The following MYO16 variants were observed in gnomAD, a reference collection of about 807,000 sequenced individuals.
The protein encoded by MYO16 is myosin XVI.
MYO16 carries 94 observed loss-of-function variants against 205.3 expected under a neutral mutation model. The ratio of observed to expected loss-of-function variants is 0.46; its 90% CI spans 0.39 to 0.54. MYO16 has a LOEUF of 0.54. Ranked by LOEUF, MYO16 falls within the 20% of genes least tolerant of loss-of-function variation. The pLI, the probability that MYO16 is intolerant of heterozygous loss-of-function variation, is 0.00. For synonymous variants in MYO16, 988 were observed against 954.0 expected (o/e 1.04, Z -0.66); for missense variants, 2,315 against 2,387.5 (o/e 0.97, Z 0.63).
intron 18 of MYO16, among the ~76,000 whole-genome samples, chr13:108,962,061 G>C (rs115077340): frequency 6.6e-6 from 1 of 152,006 alleles, no homozygotes; most frequent in African/African-American, 2.4e-5. Context: ...CTCGTTAGTC[G>C]CTCCCAGATT....
chr13:108,927,390 C>T (rs1473142512), intron 16 of MYO16, among the ~76,000 whole-genome samples: 1 of 152,092 alleles, frequency 6.6e-6, no homozygotes, highest in Non-Finnish European at 1.5e-5. Flanking sequence ...CTTCCTGATG[C>T]CTCTGGTATA....
chr13:108,883,000 T>A, intron 12 of MYO16, 59 bp from the exon 13 acceptor site: 1 of 1,592,452 alleles, frequency 6.3e-7, no homozygotes, highest in Non-Finnish European at 8.6e-7. Flanking sequence ...CATTATGGGA[T>A]GAGGAATACT....
intron 16 of MYO16, among the ~76,000 whole-genome samples, chr13:108,944,117 G>T (rs866850760): frequency 6.6e-6 from 1 of 152,104 alleles, no homozygotes; most frequent in Non-Finnish European, 1.5e-5. Flanking sequence ...ACTCTGTCTC[G>T]TCTAGATTTC....
chr13:109,197,979 G>A (rs1345500796), intron 34 of MYO16, among the ~76,000 whole-genome samples: 1 of 152,072 alleles, frequency 6.6e-6, no homozygotes, highest in Non-Finnish European at 1.5e-5. Flanking sequence ...TATGCCACTG[G>A]CTAACCAAGC....
Position 109,176,259 on chromosome 13 carries a change from C to A in MYO16, c.5324-3283C>A, listed in dbSNP as rs553282528. On this transcript the variant is annotated intron_variant, in intron 33 of 34. Transcript: ENST00000457511. The stretch of plus-strand genomic sequence containing the variant: ...ATATGTGTATTACTTATTAGCCATT[C>A]ATATTTTCATATTTTTTCTCCTTTA... Among the ~76,000 whole-genome samples the A allele has an allele frequency of 7.1e-5, 10 of 141,596 alleles. No homozygotes were observed. The South Asian group carries it at 2.2e-3, about 31-fold the overall frequency. The allele number at this position is 141,596 out of a possible 152,430, so 92.9% of individuals were successfully genotyped here.
chr13:108,536,659 C>T, the MYO16 span, among the ~76,000 whole-genome samples: 1 of 152,078 alleles, frequency 6.6e-6, no homozygotes, highest in East Asian at 1.9e-4. Flanking sequence ...TTGACAATAA[C>T]TTTGGAAATG....
chr13:109,029,232 A>G (rs1389758506), intron 23 of MYO16, among the ~76,000 whole-genome samples: 1 of 146,768 alleles, frequency 6.8e-6, no homozygotes, highest in African/African-American at 2.5e-5. Context: ...CTCCTGCCTC[A>G]GCTTCCCAAG....
At chr13:108,876,810 G>A (rs1055765034) in intron 12 of MYO16, among the ~76,000 whole-genome samples, 2 of 151,992 alleles carry the variant, frequency 1.3e-5, no homozygotes, top group Non-Finnish European at 2.9e-5. Flanking sequence ...GATAGTACAG[G>A]CGTGTGCCAC....
chr13:109,157,958 G>A (rs111787932), intron 32 of MYO16, among the ~76,000 whole-genome samples: 4 of 152,028 alleles, frequency 2.6e-5, no homozygotes, highest in African/African-American at 4.8e-5. Context: ...TGTTTCTTTC[G>A]GACGAATATT....
chr13:108,748,258 T>C (rs1218351517), intron 4 of MYO16, among the ~76,000 whole-genome samples: 1 of 152,094 alleles, frequency 6.6e-6, no homozygotes. Context: ...AAAAATTATA[T>C]GTAGCCCAAA....
chr13:108,628,190 C>A (rs1383320070), upstream of MYO16, among the ~76,000 whole-genome samples: 1 of 152,070 alleles, frequency 6.6e-6, no homozygotes, highest in African/African-American at 2.4e-5. Flanking sequence ...ATATTTTATT[C>A]CTGAAAAGCA....
At chr13:108,756,866 A>G (rs1365384293) in intron 4 of MYO16, among the ~76,000 whole-genome samples, 1 of 152,156 alleles carries the variant, frequency 6.6e-6, no homozygotes, top group African/African-American at 2.4e-5. Context: ...ACCATCATAT[A>G]TTCTATGGAT....
Position 109,125,018 on chromosome 13 carries a change from C to T in MYO16, c.3536-94C>T. ...GGGTTAAATGTACCTTATTCTACAA[C>T]TGCTCAGAGATAAGTATATTATGAT... On this transcript the variant is annotated intron_variant, in intron 29 of 34. Transcript: ENST00000457511. This position sits in a 1 kb window ranked among gnomAD's most constrained non-coding sequence, Gnocchi z 4.0. 1 of 1,335,070 alleles carries T rather than the reference C, an allele frequency of 7.5e-7. No individual in the cohort carries two copies. Among genetic ancestry groups the T allele is most frequent in the Non-Finnish European group, 1.0e-6 (1 of 965,648 alleles). The allele number at this position is 1,335,070 out of a possible 1,614,324, so 82.7% of individuals were successfully genotyped here. A position where few individuals can be genotyped will look rare whatever the true frequency, so the allele number is the denominator to read the frequency against.
At position 108,742,290 on chromosome 13, in the gene MYO16, G is replaced by A. The variant is rs138571828; in HGVS notation, c.507+14707G>A. Among the ~76,000 whole-genome samples the A allele has an allele frequency of 3.6e-3, 554 of 152,016 alleles. 4 individuals carry two copies. Among genetic ancestry groups the A allele is most frequent in the African/African-American group, 0.012 (517 of 41,478 alleles). Reference sequence around the variant, plus strand: ...ATTACAGATGTTTGCCACCACACCCGGCCCTAATCCTTATTGTTATAAAAA... The same window carrying A: ...ATTACAGATGTTTGCCACCACACCCAGCCCTAATCCTTATTGTTATAAAAA... On this transcript the variant is annotated intron_variant, in intron 4 of 34. Coordinates refer to ENST00000457511, the MANE Select transcript of MYO16 (RefSeq NM_001198950.3).
chr13:108,751,061 T>TCACACACACA lies in MYO16; in HGVS notation c.507+23495_507+23504dup, dbSNP rs35604385. 1.7e-3 allele frequency among the ~76,000 whole-genome samples: 249 copies of TCACACACACA among 149,954 alleles called. 2 individuals carry two copies. The highest frequency in any genetic ancestry group is 8.9e-3 in the Admixed American group (134 of 15,030). On this transcript the variant is annotated intron_variant, in intron 4 of 34. Transcript: ENST00000457511. Reference sequence around the variant, plus strand: ...TGTATAAATATATATATATGTGTGTTCACACACACACACACACACACACAC... The same window carrying TCACACACACA: ...TGTATAAATATATATATATGTGTGTTCACACACACACACACACACACACACACACACACAC...
intron 4 of MYO16, among the ~76,000 whole-genome samples, chr13:108,739,953 C>T (rs1047269981): frequency 1.3e-5 from 2 of 152,204 alleles, no homozygotes; most frequent in African/African-American, 4.8e-5. Flanking sequence ...GTGCATTCAT[C>T]ACGTGGTTCT....
rs562833957 is a variant in MYO16 at position 109,023,040 on chromosome 13, TAC to T, written c.2796+3135_2796+3136del. Among the ~76,000 whole-genome samples, 68 of 134,368 alleles carry T rather than the reference TAC, an allele frequency of 5.1e-4. No individual in the cohort carries two copies. The East Asian group carries it at 0.011, about 22-fold the overall frequency. 88.2% of individuals were successfully genotyped at this position (134,368 alleles called of 152,430 possible). On this transcript the variant is annotated intron_variant, in intron 23 of 34. Transcript: ENST00000457511. ...ATGTATGTATATATTTATATATTAATACACACATGTAAGTATATGTTTATATT... is the reference window on the plus strand; with the variant it reads ...ATGTATGTATATATTTATATATTAATACACATGTAAGTATATGTTTATATT...
the MYO16 span, among the ~76,000 whole-genome samples, chr13:108,563,498 T>G: frequency 1.6e-3 from 249 of 152,258 alleles, no homozygotes; most frequent in African/African-American, 5.2e-3. Context: ...CCACCACCCT[T>G]CCCAGCCTCT....
intron 4 of MYO16, among the ~76,000 whole-genome samples, chr13:108,745,912 G>A (rs1489892863): frequency 6.6e-6 from 1 of 152,188 alleles, no homozygotes; most frequent in Non-Finnish European, 1.5e-5. Flanking sequence ...ATGCAGCCGG[G>A]CGCGGTGGCT....
Sources: gnomAD v4.1 joint callset for allele counts (sites outside exome capture counted in the v4.1 genomes callset) on GRCh38, gnomAD v4.1.1 for gene constraint, Gnocchi (gnomAD v3.1) non-coding constraint, MANE v1.5 for transcripts, NCBI Gene and HGNC (gene_info 2026-07-23, HGNC 2026-07-21) for gene names.